GPN1: variants seen among roughly 807,000 people sequenced by gnomAD.
GPN1 encodes the protein ATP(GTP)-binding protein.
In GPN1, 44 loss-of-function variants were observed where a neutral mutation model predicts 55.9. The ratio of observed to expected loss-of-function variants is 0.79; its 90% CI spans 0.62 to 1.01. The LOEUF is 1.01. Among genes scored for constraint, GPN1 ranks in the 50% least tolerant of loss-of-function variants. GPN1 has a pLI of 0.00. For synonymous variants in GPN1, 179 were observed against 162.5 expected (o/e 1.10, Z -0.77); for missense variants, 466 against 462.8 (o/e 1.01, Z -0.06).
Position 27,635,370 on chromosome 2 carries a change from G to A in GPN1, c.524+136G>A, listed in dbSNP as rs533399321. The A allele has an allele frequency of 6.8e-6, 4 of 590,450 alleles. No homozygotes were observed. In the African/African-American group the frequency reaches 8.2e-5, roughly 12 times the overall value. The allele number at this position is 590,450 out of a possible 1,614,324, so 36.6% of individuals were successfully genotyped here. ...GCTCATTCAGATTTGCTGTTCAGTT[G>A]AGTGGCTGTGAGCTGGGGAAGGTCA... is the stretch of plus-strand genomic sequence containing the variant. On this transcript the variant is annotated intron_variant, in intron 7 of 13. Transcript: ENST00000610189.
intron 7 of GPN1, among the ~76,000 whole-genome samples, chr2:27,637,435 G>A (rs1272266793): frequency 2.0e-5 from 3 of 151,982 alleles, no homozygotes; most frequent in Admixed American, 2.0e-4. Context: ...AGGGTCAACT[G>A]TGTATCAAAA....
At chr2:27,636,660 A>T (rs1673743688) in intron 7 of GPN1, among the ~76,000 whole-genome samples, 1 of 151,922 alleles carries the variant, frequency 6.6e-6, no homozygotes, top group South Asian at 2.1e-4. Context: ...TTTTTAGTAG[A>T]GTCGGGGTTT....
intron 7 of GPN1, among the ~76,000 whole-genome samples, chr2:27,637,904 G>C (rs1365530241): frequency 6.6e-6 from 1 of 152,140 alleles, no homozygotes; most frequent in Non-Finnish European, 1.5e-5. Context: ...TTCTCAACCT[G>C]TAATAGGTAT....
At position 27,643,244 on chromosome 2, in the gene GPN1, T is replaced by C. The variant is rs1433700648; in HGVS notation, c.931+725T>C. On this transcript the variant is annotated intron_variant, in intron 12 of 13. Transcript: ENST00000610189. The surrounding 1 kb of genome is among the most constrained non-coding windows in gnomAD (Gnocchi z 4.0). Reference sequence around the variant, plus strand: ...ACCTTAATTTCAGATTTACAGAAGTTACATGAATAATACAAATAATTGCCA... The same window carrying C: ...ACCTTAATTTCAGATTTACAGAAGTCACATGAATAATACAAATAATTGCCA... Among the ~76,000 whole-genome samples the C allele has an allele frequency of 2.6e-5, 4 of 151,446 alleles. No homozygotes were observed. Among genetic ancestry groups the C allele is most frequent in the Admixed American group, 2.0e-4 (3 of 15,200 alleles).
intron 11 of GPN1, 56 bp from the exon 12 acceptor site, chr2:27,642,373 G>C: frequency 1.0e-6 from 1 of 1,004,202 alleles, no homozygotes; most frequent in Non-Finnish European, 1.6e-6. Context: ...GAGAAGTCTG[G>C]CATCTAATTT....
upstream of GPN1, chr2:27,628,823 T>C (rs974761319): frequency 8.8e-6 from 13 of 1,481,436 alleles, no homozygotes; most frequent in Non-Finnish European, 1.2e-5. Flanking sequence ...TCAGCGCCCT[T>C]TTCCTAGCTC....
intron 12 of GPN1, among the ~76,000 whole-genome samples, chr2:27,647,439 A>G (rs1253264018): frequency 6.6e-6 from 1 of 152,168 alleles, no homozygotes; most frequent in African/African-American, 2.4e-5. Flanking sequence ...CATTTCCACC[A>G]GGAGGCTTCC....
At position 27,632,674 on chromosome 2, in the gene GPN1, A is replaced by C. The variant is rs57191024; in HGVS notation, c.350+4A>C. 40 of 1,570,318 alleles carry C rather than the reference A, an allele frequency of 2.5e-5. No individual in the cohort carries two copies. The highest frequency in any genetic ancestry group is 3.2e-5 in the Non-Finnish European group (36 of 1,140,042). On this transcript the variant is annotated splice_donor_region_variant and intron_variant, in intron 5 of 13. Coordinates refer to ENST00000610189, the MANE Select transcript of GPN1 (RefSeq NM_007266.4). ...AGAAGGCCCAGAACATGTCCAAGTA[A>C]GTGATGTCAGTAACACCCATTTATT...
At chr2:27,642,956 TATACACACAC>T (rs1288639879) in intron 12 of GPN1, among the ~76,000 whole-genome samples, 57 of 85,828 alleles carry the variant, frequency 6.6e-4, no homozygotes, top group Admixed American at 1.2e-3. Flanking sequence ...TATATATATA[TATACACACAC>T]ACACACACAC....
In GPN1 at chr2:27,639,013, G is replaced by A. The variant is rs749829517; in HGVS notation, c.699G>A (p.Glu233=). ...LTRSMSLVLD[E]FYSSLRVVGV... ...GTTCAATGAGCCTGGTGTTAGATGA[G>A]TTTTACAGCTCACTCAGGGTAAATT... Residue 233 remains glutamate, a synonymous_variant, in exon 9 of 14, where the codon GAG becomes GAA. Transcript: ENST00000610189. The A allele has an allele frequency of 1.2e-6, 2 of 1,611,008 alleles. No individual in the cohort carries two copies. The highest frequency in any genetic ancestry group is 2.7e-5 in the African/African-American group (2 of 74,806).
At position 27,650,345 on chromosome 2, in the gene GPN1, TG is replaced by T. The variant is rs1299284128; in HGVS notation, c.*146del. On this transcript the variant is annotated 3_prime_UTR_variant, in exon 14 of 14. Coordinates refer to ENST00000610189, the MANE Select transcript of GPN1 (RefSeq NM_007266.4). ...AAAGTTTCTCTTATTAGAGAAATCT[TG>T]TGACTCAGATGAAGTCAGGGATAGA... 8 of 527,936 alleles carry T rather than the reference TG, an allele frequency of 1.5e-5. No homozygotes were observed. The highest frequency in any genetic ancestry group is 2.4e-5 in the Non-Finnish European group (7 of 292,882). 32.7% of individuals were successfully genotyped at this position (527,936 alleles called of 1,614,324 possible).
intron 12 of GPN1, among the ~76,000 whole-genome samples, chr2:27,644,760 G>A (rs1332965506): frequency 6.9e-6 from 1 of 144,310 alleles, no homozygotes; most frequent in Admixed American, 6.9e-5. Flanking sequence ...GAGGTCTGAG[G>A]CTGGTCTGGA....
rs78935018 is a variant in GPN1 at position 27,643,843 on chromosome 2, G to A, written c.931+1324G>A. 1.5e-3 allele frequency among the ~76,000 whole-genome samples: 226 copies of A among 152,274 alleles called. 1 individual carries two copies. The highest frequency in any genetic ancestry group is 5.4e-3 in the African/African-American group (223 of 41,570). ...CCATTACTGGTGATGTTAACTTTGA[G>A]TATTTTTATAAAGTGGTGTATGCTA... On this transcript the variant is annotated intron_variant, in intron 12 of 13. Coordinates refer to ENST00000610189, the MANE Select transcript of GPN1 (RefSeq NM_007266.4). This position sits in a 1 kb window ranked among gnomAD's most constrained non-coding sequence, Gnocchi z 4.0.
chr2:27,644,718 G>T, intron 12 of GPN1, among the ~76,000 whole-genome samples: 1 of 142,466 alleles, frequency 7.0e-6, no homozygotes, highest in African/African-American at 2.6e-5. Context: ...TTTTTTTTTG[G>T]TAGTGTTTTT....
At chr2:27,629,205 A>G in intron 1 of GPN1, 36 bp downstream of exon 1, 1 of 1,604,494 alleles carries the variant, frequency 6.2e-7, no homozygotes, top group South Asian at 1.1e-5. Context: ...AGGGGAGCGC[A>G]AAAGGTTGCC....
At chr2:27,649,426 A>G (rs1277231755) in intron 13 of GPN1, among the ~76,000 whole-genome samples, 1 of 149,788 alleles carries the variant, frequency 6.7e-6, no homozygotes, top group Non-Finnish European at 1.5e-5. Flanking sequence ...TTGAGTATAT[A>G]GTTTGATGAG....
intron 2 of GPN1, among the ~76,000 whole-genome samples, chr2:27,630,269 A>G (rs1263663247): frequency 6.6e-6 from 1 of 152,078 alleles, no homozygotes; most frequent in African/African-American, 2.4e-5. Flanking sequence ...CCTGGTCAAT[A>G]GAGTGAGACT....
chr2:27,634,880 G>T lies in GPN1; in HGVS notation c.385G>T (p.Val129Leu), dbSNP rs1461378159. 25 of 1,601,848 alleles carry T rather than the reference G, an allele frequency of 1.6e-5. No homozygotes were observed. The highest frequency in any genetic ancestry group is 2.1e-5 in the Non-Finnish European group (24 of 1,168,796). ...GATTGACACACCTGGACAGATTGAG[G>T]TATTCACCTGGTCAGCTTCTGGGAC... Reference protein sequence around the residue: ...VLIDTPGQIEVFTWSASGTII... With the variant: ...VLIDTPGQIELFTWSASGTII... Residue 129 changes from valine to leucine, a missense_variant, in exon 6 of 14, where the codon GTA (valine) becomes TTA (leucine). By Grantham distance (32) the Val-to-Leu change is conservative (BLOSUM62 1). Transcript: ENST00000610189.
At position 27,632,621 on chromosome 2, in the gene GPN1, T is replaced by C; in HGVS notation, c.313-12T>C. The C allele has an allele frequency of 1.3e-6, 2 of 1,589,724 alleles. No homozygotes were observed. Among genetic ancestry groups the C allele is most frequent in the Non-Finnish European group, 1.7e-6 (2 of 1,157,874 alleles). On this transcript the variant is annotated splice_polypyrimidine_tract_variant and intron_variant, in intron 4 of 13. Transcript: ENST00000610189. Reference sequence around the variant, plus strand: ...ATCGGAATTTGTTGTCATTGACATCTTTTTCTTTTAGGTGATGAAATTTAT... The same window carrying C: ...ATCGGAATTTGTTGTCATTGACATCCTTTTCTTTTAGGTGATGAAATTTAT...
Sources: gnomAD v4.1 joint callset for allele counts (sites outside exome capture counted in the v4.1 genomes callset) on GRCh38, gnomAD v4.1.1 for gene constraint, Gnocchi (gnomAD v3.1) non-coding constraint, MANE v1.5 for transcripts, NCBI Gene and HGNC (gene_info 2026-07-23, HGNC 2026-07-21) for gene names.